SRD5A2: variants seen among roughly 807,000 people sequenced by gnomAD.
The protein encoded by SRD5A2 is steroid 5 alpha-reductase 2.
Under a neutral mutation model 27.4 loss-of-function variants are expected in SRD5A2, and 30 were observed. The observed-to-expected ratio is 1.10, with a 90% CI of 0.82 to 1.49. The LOEUF is 1.49. SRD5A2 is among the 40% of genes most tolerant of loss of function. The probability of loss-of-function intolerance (pLI) is 0.00; values close to 1 mark genes in which losing one functional copy is unlikely to be tolerated. For missense variants in SRD5A2, 348 were observed against 323.4 expected (o/e 1.08, Z -0.58); for synonymous variants, 141 against 133.6 (o/e 1.06, Z -0.38).
the SRD5A2 span, among the ~76,000 whole-genome samples, chr2:31,618,327 A>G: frequency 6.6e-6 from 1 of 152,146 alleles, no homozygotes. Context: ...CAGCCAAACC[A>G]TATCAGTATC....
chr2:31,553,522 C>T (rs1666424133), intron 1 of SRD5A2, among the ~76,000 whole-genome samples: 1 of 152,132 alleles, frequency 6.6e-6, no homozygotes, highest in East Asian at 1.9e-4. Context: ...TTGTCGAAGG[C>T]AGCAAGAGAA....
At chr2:31,589,344 G>A in the SRD5A2 span, among the ~76,000 whole-genome samples, 4 of 152,164 alleles carry the variant, frequency 2.6e-5, no homozygotes, top group Non-Finnish European at 5.9e-5. Flanking sequence ...GAATTTACAT[G>A]AGCTGATAAT....
chr2:31,634,905 T>A, the SRD5A2 span, among the ~76,000 whole-genome samples: 1 of 152,210 alleles, frequency 6.6e-6, no homozygotes, highest in Non-Finnish European at 1.5e-5. Flanking sequence ...ATTGGGTATA[T>A]GTAGCACATT....
chr2:31,534,743 A>G (rs766312773), intron 1 of SRD5A2, among the ~76,000 whole-genome samples: 1 of 152,158 alleles, frequency 6.6e-6, no homozygotes, highest in South Asian at 2.1e-4. Flanking sequence ...TTCACAGATA[A>G]TCACAGTTGC....
intron 4 of SRD5A2, among the ~76,000 whole-genome samples, chr2:31,528,162 G>C (rs1235913429): frequency 1.4e-4 from 21 of 152,196 alleles, no homozygotes. Flanking sequence ...TGAAACACCT[G>C]CAATCCCTGG....
At chr2:31,601,611 G>A in the SRD5A2 span, among the ~76,000 whole-genome samples, 59 of 150,212 alleles carry the variant, frequency 3.9e-4, no homozygotes, top group East Asian at 5.3e-3. Context: ...GAGATACAAC[G>A]AAAAAACTTC....
At chr2:31,527,713 A>G (rs1665813564) in intron 4 of SRD5A2, 1 of 152,266 alleles carries the variant, frequency 6.6e-6, no homozygotes, top group Non-Finnish European at 1.5e-5. Flanking sequence ...AAGAACTGTT[A>G]TGACTCTTTT....
rs745955438 is a variant in SRD5A2, at chr2:31,533,614, C to A, written c.434G>T (p.Arg145Leu). 6.4e-7 allele frequency: 1 copy of A among 1,551,910 alleles called. No homozygotes were observed. The highest frequency in any genetic ancestry group is 2.4e-5 in the East Asian group (1 of 40,938). ...GCAGATTCACTTACCCAAGCTAAAC[C>A]GTATGTCTGTGTACCACCCATCAGG... Reference protein sequence around the residue: ...EYPDGWYTDIRFSLGVFLFIL... With the variant: ...EYPDGWYTDILFSLGVFLFIL... Residue 145 changes from arginine to leucine, a missense_variant, in exon 2 of 5, where the codon CGG becomes CTG. Physicochemically the swap from Arg to Leu is moderately radical, Grantham distance 102. Transcript: ENST00000622030.
the SRD5A2 span, among the ~76,000 whole-genome samples, chr2:31,654,045 A>T: frequency 6.6e-6 from 1 of 151,978 alleles, no homozygotes; most frequent in Non-Finnish European, 1.5e-5. Context: ...GAAATCAGGT[A>T]TAAACTAGTG....
chr2:31,621,775 TA>T, the SRD5A2 span, among the ~76,000 whole-genome samples: 1 of 152,000 alleles, frequency 6.6e-6, no homozygotes. Context: ...TAGCTAGAAC[TA>T]CAGGTATATA....
the SRD5A2 span, among the ~76,000 whole-genome samples, chr2:31,605,742 C>T: frequency 7.1e-6 from 1 of 141,446 alleles, no homozygotes; most frequent in African/African-American, 2.6e-5. Flanking sequence ...TTTGGAGGAT[C>T]AAAAAAAAAA....
chr2:31,580,753 G>C lies in SRD5A2; in HGVS notation c.148C>G (p.Arg50Gly), dbSNP rs369117426. The C allele has an allele frequency of 3.1e-6, 5 of 1,610,434 alleles. No homozygotes were observed. The highest frequency in any genetic ancestry group is 4.2e-6 in the Non-Finnish European group (5 of 1,179,586). ...AGCTCCTGCAGGAACCAGGCGGCGCGGGCTGGCAGGCGGGTAGCCGCCGGC... is the reference window on the plus strand; with the variant it reads ...AGCTCCTGCAGGAACCAGGCGGCGCCGGCTGGCAGGCGGGTAGCCGCCGGC... ...LKPAATRLPA[R>G]AAWFLQELPS... Residue 50 changes from arginine (R) to glycine (G), a missense_variant, in exon 1 of 5, where the codon CGC becomes GGC. Transcript: ENST00000622030.
chr2:31,591,321 A>C, the SRD5A2 span, among the ~76,000 whole-genome samples: 1 of 152,200 alleles, frequency 6.6e-6, no homozygotes, highest in African/African-American at 2.4e-5. Context: ...ATGCAGCCAA[A>C]AGACACATGA....
the SRD5A2 span, among the ~76,000 whole-genome samples, chr2:31,600,401 A>T: frequency 1.3e-5 from 2 of 152,130 alleles, no homozygotes; most frequent in South Asian, 4.1e-4. Flanking sequence ...CTCTTTGAGG[A>T]ATCACTACAC....
chr2:31,533,754 GT>G lies in SRD5A2; in HGVS notation c.293del (p.Tyr98SerfsTer33). ...AAGGCCTCCCTCGATTGAGCAGTGA[GT>G]ACACAAATGTCCTGGGACACACAGG... ...CLHYFHRTFV[Y>X]SLLNRGRPYP... On this transcript the variant is annotated frameshift_variant, in exon 2 of 5. Transcript: ENST00000622030. LOFTEE classifies it high-confidence loss of function. 1 of 1,603,164 alleles carries G rather than the reference GT, an allele frequency of 6.2e-7. No homozygotes were observed. Among genetic ancestry groups the G allele is most frequent in the Non-Finnish European group, 8.5e-7 (1 of 1,174,952 alleles).
the SRD5A2 span, among the ~76,000 whole-genome samples, chr2:31,660,587 G>A: frequency 2.0e-5 from 3 of 151,914 alleles, no homozygotes; most frequent in Non-Finnish European, 4.4e-5. Flanking sequence ...CATTTTGGTG[G>A]GGGATGTTGA....
the SRD5A2 span, among the ~76,000 whole-genome samples, chr2:31,596,581 C>T: frequency 6.6e-6 from 1 of 151,860 alleles, no homozygotes; most frequent in East Asian, 1.9e-4. Context: ...TAATCACATA[C>T]CTAGAAAACC....
intron 1 of SRD5A2, among the ~76,000 whole-genome samples, chr2:31,547,664 G>A (rs28745293): frequency 7.8e-4 from 118 of 152,210 alleles, no homozygotes; most frequent in East Asian, 3.7e-3. Flanking sequence ...CCAGGCTCTC[G>A]GGCTTTCAGT....
the SRD5A2 span, among the ~76,000 whole-genome samples, chr2:31,588,237 A>T: frequency 1.3e-5 from 2 of 152,224 alleles, no homozygotes; most frequent in South Asian, 4.1e-4. Context: ...TCAAACCTAG[A>T]GAAACATATC....
Sources: gnomAD v4.1 joint callset for allele counts (sites outside exome capture counted in the v4.1 genomes callset) on GRCh38, gnomAD v4.1.1 for gene constraint, MANE v1.5 for transcripts, NCBI Gene and HGNC (gene_info 2026-07-23, HGNC 2026-07-21) for gene names.